The following OR10R2 variants were observed in gnomAD, a reference collection of about 807,000 sequenced individuals.
The protein encoded by OR10R2 is olfactory receptor family 10 subfamily R member 2.
In OR10R2, 1 loss-of-function variant was observed where a neutral mutation model predicts 2.4. That is an observed-to-expected ratio of 0.41 (90% CI 0.15 to 1.95). The LOEUF is 1.95. Ranked by LOEUF, OR10R2 falls within the 30% of genes most tolerant of loss-of-function variation. OR10R2 has a pLI of 0.30. For synonymous variants in OR10R2, 166 were observed against 144.8 expected (o/e 1.15, Z -1.05); for missense variants, 419 against 373.0 (o/e 1.12, Z -1.01).
At chr1:158,475,001 G>T (rs1279515377) in intron 1 of OR10R2, among the ~76,000 whole-genome samples, 1 of 152,026 alleles carries the variant, frequency 6.6e-6, no homozygotes, top group African/African-American at 2.4e-5. Flanking sequence ...TTATGTAGCA[G>T]GTGTTGTTCT....
chr1:158,477,914 C>T (rs1450103266), intron 1 of OR10R2, among the ~76,000 whole-genome samples: 2 of 152,044 alleles, frequency 1.3e-5, no homozygotes, highest in Non-Finnish European at 2.9e-5. Context: ...TATACTATAA[C>T]GTTACAGTAA....
intron 1 of OR10R2, among the ~76,000 whole-genome samples, chr1:158,478,454 T>C (rs1013937290): frequency 6.6e-6 from 1 of 152,190 alleles, no homozygotes. Flanking sequence ...TTTAATGGGA[T>C]TCTACCTGAC....
At chr1:158,473,285 C>G (rs987275935) in intron 1 of OR10R2, among the ~76,000 whole-genome samples, 3 of 152,090 alleles carry the variant, frequency 2.0e-5, no homozygotes, top group Non-Finnish European at 4.4e-5. Flanking sequence ...AAACTTTTGT[C>G]AAATGAACAA....
exon 2 of OR10R2, chr1:158,480,329 A>T: frequency 6.2e-7 from 1 of 1,614,108 alleles, no homozygotes; most frequent in Non-Finnish European, 8.5e-7. Flanking sequence ...CACCCTCTGC[A>T]TTACCCCACT....
At chr1:158,479,121 T>A (rs1656327850) in intron 1 of OR10R2, among the ~76,000 whole-genome samples, 1 of 152,156 alleles carries the variant, frequency 6.6e-6, no homozygotes, top group Non-Finnish European at 1.5e-5. Context: ...TTAAAGATCC[T>A]AGAGTAGGAC....
At chr1:158,479,973 C>A in exon 2 of OR10R2, 1 of 1,613,944 alleles carries the variant, frequency 6.2e-7, no homozygotes, top group Non-Finnish European at 8.5e-7. Context: ...TCACCGAATT[C>A]CTGTTGCTGG....
At chr1:158,478,140 T>C (rs1656306546) in intron 1 of OR10R2, among the ~76,000 whole-genome samples, 1 of 152,194 alleles carries the variant, frequency 6.6e-6, no homozygotes, top group Non-Finnish European at 1.5e-5. Flanking sequence ...CTTTTCACCA[T>C]ATACAAAAAT....
chr1:158,477,489 T>C (rs1656292511), intron 1 of OR10R2, among the ~76,000 whole-genome samples: 1 of 152,160 alleles, frequency 6.6e-6, no homozygotes. Context: ...AAAAAGTCAG[T>C]AGTGTTTCTA....
chr1:158,473,155 T>A (rs952222), intron 1 of OR10R2, among the ~76,000 whole-genome samples: 86,456 of 152,030 alleles, frequency 0.57, 24,877 homozygotes, highest in Middle Eastern at 0.61. Context: ...TGCAATGATT[T>A]ATTTAGGTAT....
rs535067198 is a variant in OR10R2 at position 158,476,525 on chromosome 1, G to A, written c.28-3413G>A. Among the ~76,000 whole-genome samples, 325 of 142,900 alleles carry A rather than the reference G, an allele frequency of 2.3e-3. 2 individuals are homozygous for A. Among genetic ancestry groups the A allele is most frequent in the African/African-American group, 8.1e-3 (304 of 37,312 alleles). The allele number at this position is 142,900 out of a possible 152,430, so 93.7% of individuals were successfully genotyped here. A position where few individuals can be genotyped will look rare whatever the true frequency, so the allele number is the denominator to read the frequency against. ...ATCATGCCACTGCACTCCAGCCTGGGCGACAGAGTGAGACTCCATCTCAAA... is the reference window on the plus strand; with the variant it reads ...ATCATGCCACTGCACTCCAGCCTGGACGACAGAGTGAGACTCCATCTCAAA... On this transcript the variant is annotated intron_variant, in intron 1 of 1. Coordinates refer to ENST00000641067, the Ensembl canonical transcript of OR10R2.
chr1:158,472,311 T>C (rs977011087), exon 1 of OR10R2: 1 of 398,862 alleles, frequency 2.5e-6, no homozygotes, highest in Admixed American at 4.4e-5. Context: ...ATCCAGCCCA[T>C]ACAGAAGAGG....
In OR10R2 at chr1:158,474,023, C is replaced by T. The variant is rs145945811; in HGVS notation, c.27+1671C>T. Among the ~76,000 whole-genome samples the T allele has an allele frequency of 3.0e-4, 44 of 146,342 alleles. 1 individual carries two copies. Among genetic ancestry groups the T allele is most frequent in the Middle Eastern group, 3.4e-3 (1 of 290 alleles). Reference sequence around the variant, plus strand: ...TCTTCATTTCTCCCTTTCTTCCTCTCTTTCTTCTTTCTTTCTTTCTTTCTA... The same window carrying T: ...TCTTCATTTCTCCCTTTCTTCCTCTTTTTCTTCTTTCTTTCTTTCTTTCTA... On this transcript the variant is annotated intron_variant, in intron 1 of 1. Coordinates refer to ENST00000641067, the Ensembl canonical transcript of OR10R2.
At position 158,478,904 on chromosome 1, in the gene OR10R2, G is replaced by A. The variant is rs12037717; in HGVS notation, c.28-1034G>A. On this transcript the variant is annotated intron_variant, in intron 1 of 1. Transcript: ENST00000641067. Reference sequence around the variant, plus strand: ...ACCTAATTCAATCCATCTATATTGAGCTCAACAGAACCTATCTCCCAACCC... The same window carrying A: ...ACCTAATTCAATCCATCTATATTGAACTCAACAGAACCTATCTCCCAACCC... 1.8e-3 allele frequency among the ~76,000 whole-genome samples: 273 copies of A among 152,206 alleles called. 9 individuals are homozygous for A. In the East Asian group the frequency reaches 0.048, roughly 27 times the overall value.
exon 2 of OR10R2, chr1:158,480,710 T>C (rs767094574): frequency 1.2e-6 from 2 of 1,613,280 alleles, no homozygotes; most frequent in Non-Finnish European, 8.5e-7. Flanking sequence ...GCTTCCTTCA[T>C]CTACCTGAGG....
In OR10R2 at chr1:158,474,718, C is replaced by T. The variant is rs940931512; in HGVS notation, c.27+2366C>T. 3.0e-4 allele frequency: 46 copies of T among 152,122 alleles called. 1 individual carries two copies. The highest frequency in any genetic ancestry group is 2.9e-3 in the Admixed American group (45 of 15,276). 9.4% of individuals were successfully genotyped at this position (152,122 alleles called of 1,614,324 possible). Reference sequence around the variant, plus strand: ...TTAATTGACACCTAGTATGCATGCACACATACACAAATTGAAATAAAATAT... The same window carrying T: ...TTAATTGACACCTAGTATGCATGCATACATACACAAATTGAAATAAAATAT... On this transcript the variant is annotated intron_variant, in intron 1 of 1. Coordinates refer to ENST00000641067, the Ensembl canonical transcript of OR10R2.
intron 1 of OR10R2, 180 bp from the exon 2 acceptor site, chr1:158,479,758 C>T (rs1042596730): frequency 3.7e-5 from 24 of 640,544 alleles, no homozygotes; most frequent in African/African-American, 3.7e-4. Flanking sequence ...ACTTTGTTGA[C>T]TTTGAAGATG....
At chr1:158,475,740 A>G (rs1252998618) in intron 1 of OR10R2, among the ~76,000 whole-genome samples, 1 of 151,618 alleles carries the variant, frequency 6.6e-6, no homozygotes, top group Non-Finnish European at 1.5e-5. Context: ...ATTGTTGCTT[A>G]ATACTCTTTG....
intron 1 of OR10R2, chr1:158,474,499 T>C (rs978538617): frequency 1.3e-5 from 2 of 152,176 alleles, no homozygotes; most frequent in Non-Finnish European, 2.9e-5. Context: ...AAATACAGAT[T>C]CTCTTAAGAT....
rs1656379397 is a variant in OR10R2 at position 158,480,578 on chromosome 1, TC to T, written c.669del (p.Cys224ValfsTer8). ...GTACTTGTGGTTCCCTTTCTGTTTA[TC>T]TGTGTTTCTTATCTCTGCATTCTGA... On this transcript the variant is annotated frameshift_variant, in exon 2 of 2. Coordinates refer to ENST00000641067, the Ensembl canonical transcript of OR10R2. LOFTEE classifies it low-confidence loss of function (END_TRUNC). The T allele has an allele frequency of 6.2e-7, 1 of 1,613,472 alleles. No individual in the cohort carries two copies. Among genetic ancestry groups the T allele is most frequent in the Non-Finnish European group, 8.5e-7 (1 of 1,179,556 alleles).
Sources: allele counts gnomAD v4.1 joint callset (sites outside exome capture counted in the v4.1 genomes callset), GRCh38; gene constraint gnomAD v4.1.1; transcripts MANE v1.5; gene names NCBI Gene and HGNC (gene_info 2026-07-23, HGNC 2026-07-21).